The following DYRK3 variants were observed in gnomAD, a reference collection of about 807,000 sequenced individuals.
DYRK3 encodes dual specificity tyrosine-phosphorylation-regulated kinase 3.
In DYRK3, 30 loss-of-function variants were observed where a neutral mutation model predicts 40.8. The ratio of observed to expected loss-of-function variants is 0.74; its 90% CI spans 0.55 to 1.00. The LOEUF is 1.00. Among genes scored for constraint, DYRK3 ranks in the 50% least tolerant of loss-of-function variants. The probability of loss-of-function intolerance (pLI) is 0.00; values close to 1 mark genes in which losing one functional copy is unlikely to be tolerated. For missense variants in DYRK3, 699 were observed against 731.5 expected, an observed-to-expected ratio of 0.96 and a Z score of 0.51; for synonymous variants, 272 against 260.7, an observed-to-expected ratio of 1.04 and a Z score of -0.42.
rs944158955 is a variant in DYRK3, at chr1:206,651,418, C to G, written c.*2453C>G. On this transcript the variant is annotated 3_prime_UTR_variant, in exon 3 of 3. Coordinates refer to ENST00000367109, the MANE Select transcript of DYRK3 (RefSeq NM_003582.4). ...TCTCTTCACTGTGTTCTTGGATCAG[C>G]CTTCTTTCAACTACCAAGAAATGGA... 3.2e-4 allele frequency among the ~76,000 whole-genome samples: 48 copies of G among 152,304 alleles called. No individual in the cohort carries two copies. Among genetic ancestry groups the G allele is most frequent in the African/African-American group, 1.1e-3 (46 of 41,564 alleles).
chr1:206,635,989 G>A, intron 1 of DYRK3: 1 of 1,391,338 alleles, frequency 7.2e-7, no homozygotes, highest in Non-Finnish European at 9.4e-7. Context: ...GGGGGACGGG[G>A]CTAGAGCGGA....
chr1:206,635,779 AG>A lies in DYRK3; in HGVS notation c.77+1del. 2 of 1,243,826 alleles carry A rather than the reference AG, an allele frequency of 1.6e-6. No homozygotes were observed. Among genetic ancestry groups the A allele is most frequent in the Non-Finnish European group, 2.0e-6 (2 of 989,532 alleles). 77.0% of individuals were successfully genotyped at this position (1,243,826 alleles called of 1,614,324 possible). ...GGCCGGGCTCCCGCCCCAGCAGCGG[AG>A]GTAACGGCGCCACGGGGTAACGGGC... Reference protein sequence around the residue: ...PGAGLPPQQRRLGDGVYDTFM... With the variant: ...PGAGLPPQQRXLGDGVYDTFM... On this transcript the variant is annotated frameshift_variant and splice_region_variant, in exon 1 of 3. Coordinates refer to ENST00000367109, the MANE Select transcript of DYRK3 (RefSeq NM_003582.4). LOFTEE classifies it high-confidence loss of function.
Position 206,651,509 on chromosome 1 carries a change from A to G in DYRK3, c.*2544A>G, listed in dbSNP as rs1252114437. On this transcript the variant is annotated 3_prime_UTR_variant, in exon 3 of 3. Transcript: ENST00000367109. ...GAATCCTTCTTCAGTGAATCTTTTCATTGTAACTTAGGGTGTAAAAGCTCA... is the reference window on the plus strand; with the variant it reads ...GAATCCTTCTTCAGTGAATCTTTTCGTTGTAACTTAGGGTGTAAAAGCTCA... Among the ~76,000 whole-genome samples the G allele has an allele frequency of 1.3e-5, 2 of 152,200 alleles. No individual in the cohort carries two copies. Among genetic ancestry groups the G allele is most frequent in the Non-Finnish European group, 2.9e-5 (2 of 68,032 alleles).
At position 206,644,074 on chromosome 1, in the gene DYRK3, G is replaced by A. The variant is rs112718158; in HGVS notation, c.190-3314G>A. ...TTTTGAGAAGTAGTCTTGCCCTGTC[G>A]CCCAGGATAGAGTGCAGTGATGCAA... On this transcript the variant is annotated intron_variant, in intron 2 of 2. Coordinates refer to ENST00000367109, the MANE Select transcript of DYRK3 (RefSeq NM_003582.4). 6.1e-3 allele frequency among the ~76,000 whole-genome samples: 738 copies of A among 120,162 alleles called. 7 individuals carry two copies. Among genetic ancestry groups the A allele is most frequent in the African/African-American group, 0.022 (701 of 31,250 alleles). 78.8% of individuals were successfully genotyped at this position (120,162 alleles called of 152,430 possible). A position where few individuals can be genotyped will look rare whatever the true frequency, so the allele number is the denominator to read the frequency against.
rs948707013 is a variant in DYRK3 at position 206,649,076 on chromosome 1, T to C, written c.*111T>C. The C allele has an allele frequency of 1.1e-4, 126 of 1,190,548 alleles. No individual in the cohort carries two copies. In the African/African-American group the frequency reaches 1.7e-3, roughly 16 times the overall value. 73.7% of individuals were successfully genotyped at this position (1,190,548 alleles called of 1,614,324 possible). On this transcript the variant is annotated 3_prime_UTR_variant, in exon 3 of 3. Coordinates refer to ENST00000367109, the MANE Select transcript of DYRK3 (RefSeq NM_003582.4). ...TGGATGTTTTTGTTAGAGTAGACTT[T>C]TTTTAAACAAGACAAAACATTTTTA...
Position 206,648,592 on chromosome 1 carries a change from T to TG in DYRK3, c.1400dup (p.Arg468SerfsTer4), listed in dbSNP as rs781995280. On this transcript the variant is annotated frameshift_variant, in exon 3 of 3. Transcript: ENST00000367109. LOFTEE classifies it high-confidence loss of function. ...CAGGCAGATGGGAGGGTTGTGCTTG[T>TG]GGGGGGTCGCTCACGTAGGGGTAAA... 3 of 1,613,960 alleles carry TG rather than the reference T, an allele frequency of 1.9e-6. No homozygotes were observed. The highest frequency in any genetic ancestry group is 1.1e-5 in the South Asian group (1 of 91,064).
Position 206,649,066 on chromosome 1 carries a change from G to C in DYRK3, c.*101G>C, listed in dbSNP as rs1208690469. 1 of 1,294,148 alleles carries C rather than the reference G, an allele frequency of 7.7e-7. No individual in the cohort carries two copies. Among genetic ancestry groups the C allele is most frequent in the Non-Finnish European group, 1.0e-6 (1 of 964,084 alleles). The allele number at this position is 1,294,148 out of a possible 1,614,324, so 80.2% of individuals were successfully genotyped here. A position where few individuals can be genotyped will look rare whatever the true frequency, so the allele number is the denominator to read the frequency against. Reference sequence around the variant, plus strand: ...AGCCCATTGGTGGATGTTTTTGTTAGAGTAGACTTTTTTTAAACAAGACAA... The same window carrying C: ...AGCCCATTGGTGGATGTTTTTGTTACAGTAGACTTTTTTTAAACAAGACAA... On this transcript the variant is annotated 3_prime_UTR_variant, in exon 3 of 3. Coordinates refer to ENST00000367109, the MANE Select transcript of DYRK3 (RefSeq NM_003582.4).
At chr1:206,639,048 G>T (rs10399719) in intron 2 of DYRK3, among the ~76,000 whole-genome samples, 54,888 of 151,564 alleles carry the variant, frequency 0.36, 10,340 homozygotes, top group South Asian at 0.42. Flanking sequence ...ACCCAGCTAA[G>T]TTTTGTATTT....
chr1:206,645,233 T>C (rs1671415904), intron 2 of DYRK3, among the ~76,000 whole-genome samples: 1 of 152,190 alleles, frequency 6.6e-6, no homozygotes, highest in South Asian at 2.1e-4. Context: ...TATTAAAATT[T>C]CTAGTTTTTA....
intron 1 of DYRK3, 153 bp downstream of exon 1, chr1:206,635,933 C>G: frequency 3.0e-6 from 4 of 1,316,200 alleles, no homozygotes; most frequent in Non-Finnish European, 3.9e-6. Context: ...GCCCCCACCT[C>G]CTCTCTATCA....
chr1:206,649,103 A>G lies in DYRK3; in HGVS notation c.*138A>G, dbSNP rs1558560431. On this transcript the variant is annotated 3_prime_UTR_variant, in exon 3 of 3. Transcript: ENST00000367109. The stretch of plus-strand genomic sequence containing the variant: ...TTTAAACAAGACAAAACATTTTTAT[A>G]TGATTATAAAAGAATTCTTCAAGGG... 8 of 922,128 alleles carry G rather than the reference A, an allele frequency of 8.7e-6. No homozygotes were observed. Among genetic ancestry groups the G allele is most frequent in the Non-Finnish European group, 1.3e-5 (8 of 637,202 alleles). 57.1% of individuals were successfully genotyped at this position (922,128 alleles called of 1,614,324 possible). A position where few individuals can be genotyped will look rare whatever the true frequency, so the allele number is the denominator to read the frequency against.
chr1:206,647,859 G>A lies in DYRK3; in HGVS notation c.661G>A (p.Gly221Arg). ...GAAAATTATTGGCAAGGGGAGTTTT[G>A]GGCAGGTGGCCAGGGTCTATGATCA... ...VLKIIGKGSFGQVARVYDHKL... is the reference protein window; with the variant it reads ...VLKIIGKGSFRQVARVYDHKL... Residue 221 changes from glycine (G) to arginine (R), a missense_variant, in exon 3 of 3, where the codon GGG becomes AGG. Transcript: ENST00000367109. 1 of 1,613,986 alleles carries A rather than the reference G, an allele frequency of 6.2e-7. No homozygotes were observed. The highest frequency in any genetic ancestry group is 8.5e-7 in the Non-Finnish European group (1 of 1,180,004).
chr1:206,652,969 G>A lies in DYRK3; in HGVS notation c.*4004G>A, dbSNP rs921642252. Among the ~76,000 whole-genome samples, 8 of 152,078 alleles carry A rather than the reference G, an allele frequency of 5.3e-5. No homozygotes were observed. The highest frequency in any genetic ancestry group is 1.9e-4 in the African/African-American group (8 of 41,392). On this transcript the variant is annotated 3_prime_UTR_variant, in exon 3 of 3. Transcript: ENST00000367109. ...TTAATTTCCAAGTTGTTTCTGACAC[G>A]GTGAGAGTTGGGTTAGAATTTTTAT...
chr1:206,642,621 C>T (rs2102336185), intron 2 of DYRK3, among the ~76,000 whole-genome samples: 1 of 152,146 alleles, frequency 6.6e-6, no homozygotes, highest in South Asian at 2.1e-4. Context: ...GAGTTCATGT[C>T]CTTTGTAGAG....
At position 206,646,694 on chromosome 1, in the gene DYRK3, C is replaced by T. The variant is rs895375058; in HGVS notation, c.190-694C>T. 2.6e-5 allele frequency among the ~76,000 whole-genome samples: 4 copies of T among 152,262 alleles called. No individual in the cohort carries two copies. The East Asian group carries it at 5.8e-4, about 22-fold the overall frequency. ...TTCCAGGCCATAGTCAACATTCAGCCCTGCTAGTCTACAGGTGCTGGGAGA... is the reference window on the plus strand; with the variant it reads ...TTCCAGGCCATAGTCAACATTCAGCTCTGCTAGTCTACAGGTGCTGGGAGA... On this transcript the variant is annotated intron_variant, in intron 2 of 2. Coordinates refer to ENST00000367109, the MANE Select transcript of DYRK3 (RefSeq NM_003582.4).
rs1671644199 is a variant in DYRK3 at position 206,652,029 on chromosome 1, T to C, written c.*3064T>C. 6.6e-6 allele frequency among the ~76,000 whole-genome samples: 1 copy of C among 152,200 alleles called. No homozygotes were observed. Among genetic ancestry groups the C allele is most frequent in the South Asian group, 2.1e-4 (1 of 4,834 alleles). On this transcript the variant is annotated 3_prime_UTR_variant, in exon 3 of 3. Coordinates refer to ENST00000367109, the MANE Select transcript of DYRK3 (RefSeq NM_003582.4). ...GCAGCAGTGTCAAGACAGCTGACAC[T>C]GTCTTCCAAGAGTGAATGCATTGGC... is the stretch of plus-strand genomic sequence containing the variant.
chr1:206,637,701 T>TC lies in DYRK3; in HGVS notation c.135dup (p.Cys46LeufsTer10). The TC allele has an allele frequency of 6.2e-7, 1 of 1,613,956 alleles. No individual in the cohort carries two copies. Among genetic ancestry groups the TC allele is most frequent in the Non-Finnish European group, 8.5e-7 (1 of 1,179,940 alleles). On this transcript the variant is annotated frameshift_variant, in exon 2 of 3. Transcript: ENST00000367109. LOFTEE classifies it high-confidence loss of function. ...TCATGATGATAGATGAAACCAAATG[T>TC]CCCCCCTGTTCAAATGTACTCTGCA...
chr1:206,644,805 G>C (rs1671403458), intron 2 of DYRK3, among the ~76,000 whole-genome samples: 1 of 152,222 alleles, frequency 6.6e-6, no homozygotes, highest in African/African-American at 2.4e-5. Context: ...CTTCCAAAGT[G>C]CTGGGATTAC....
chr1:206,635,803 G>T, intron 1 of DYRK3, 23 bp downstream of exon 1: 1 of 1,245,118 alleles, frequency 8.0e-7, no homozygotes. Context: ...CGGGGTAACG[G>T]GCTGGAGGCG....
Sources: allele counts gnomAD v4.1 joint callset (sites outside exome capture counted in the v4.1 genomes callset), GRCh38; gene constraint gnomAD v4.1.1; transcripts MANE v1.5; gene names NCBI Gene and HGNC (gene_info 2026-07-23, HGNC 2026-07-21).